The following ZNF800 variants were observed in gnomAD, a reference collection of about 807,000 sequenced individuals.
ZNF800 encodes zinc finger protein 800.
In ZNF800, 13 loss-of-function variants were observed where a neutral mutation model predicts 59.5. That is an observed-to-expected ratio of 0.22 (90% CI 0.14 to 0.35). ZNF800 has a LOEUF of 0.35. ZNF800 is among the 10% of genes least tolerant of loss of function. ZNF800 has a pLI of 1.00. For synonymous variants in ZNF800, 266 were observed against 265.7 expected (o/e 1.00, Z -0.01); for missense variants, 621 against 783.7 (o/e 0.79, Z 2.48).
At chr7:127,358,280 C>A (rs1234735711) in intron 1 of ZNF800, among the ~76,000 whole-genome samples, 2 of 151,914 alleles carry the variant, frequency 1.3e-5, no homozygotes, top group Non-Finnish European at 2.9e-5. Flanking sequence ...ATACTAGATT[C>A]TTTCTTCGTC....
chr7:127,363,615 G>A (rs1467424361), intron 1 of ZNF800: 1 of 151,442 alleles, frequency 6.6e-6, no homozygotes, highest in East Asian at 1.9e-4. Flanking sequence ...GACACAGAAG[G>A]GAGACACCCA....
In ZNF800 at chr7:127,374,775, C is replaced by A. The variant is rs766103575; in HGVS notation, c.561G>T (p.Glu187Asp). The A allele has an allele frequency of 1.2e-6, 2 of 1,613,656 alleles. No individual in the cohort carries two copies. The highest frequency in any genetic ancestry group is 4.5e-5 in the East Asian group (2 of 44,866). ...QSKTVPVTDTEVETVEPPPVE... is the reference protein window; with the variant it reads ...QSKTVPVTDTDVETVEPPPVE... Reference sequence around the variant, plus strand: ...CAGGAGGGGGCTCTACAGTTTCCACCTCTGTATCTGTAACCGGTACTGTTT... The same window carrying A: ...CAGGAGGGGGCTCTACAGTTTCCACATCTGTATCTGTAACCGGTACTGTTT... Residue 187 changes from glutamate (E) to aspartate (D), a missense_variant, in exon 5 of 6, where the codon GAG becomes GAT. Transcript: ENST00000265827.
intron 4 of ZNF800, among the ~76,000 whole-genome samples, chr7:127,375,543 G>C (rs183250048): frequency 6.6e-6 from 1 of 152,148 alleles, no homozygotes; most frequent in Admixed American, 6.5e-5. Context: ...GAAAATGAAA[G>C]ATTTGTAAGC....
intron 3 of ZNF800, among the ~76,000 whole-genome samples, chr7:127,379,675 G>C (rs1355018442): frequency 3.9e-5 from 6 of 151,996 alleles, no homozygotes; most frequent in African/African-American, 1.5e-4. Context: ...GAAAAATAAA[G>C]ACACTATCAA....
chr7:127,367,312 T>G (rs1800530988), downstream of ZNF800, among the ~76,000 whole-genome samples: 1 of 152,052 alleles, frequency 6.6e-6, no homozygotes, highest in Non-Finnish European at 1.5e-5. Context: ...TGCTTGCAAC[T>G]CAAAAAAAGA....
intron 2 of ZNF800, among the ~76,000 whole-genome samples, chr7:127,391,176 C>T (rs534904092): frequency 6.2e-4 from 95 of 152,216 alleles, no homozygotes; most frequent in African/African-American, 2.2e-3. Flanking sequence ...CTATGTTTTC[C>T]TTTCTCTTCA....
At chr7:127,385,235 T>A (rs1801101890) in intron 3 of ZNF800, among the ~76,000 whole-genome samples, 1 of 152,216 alleles carries the variant, frequency 6.6e-6, no homozygotes, top group Non-Finnish European at 1.5e-5. Context: ...AATGACAAGG[T>A]ATTCTAATCC....
chr7:127,350,861 GC>G (rs1364300547), intron 1 of ZNF800, among the ~76,000 whole-genome samples: 4 of 152,150 alleles, frequency 2.6e-5, no homozygotes, highest in Admixed American at 2.6e-4. Flanking sequence ...TGCACCAGCT[GC>G]CCCCAGAGTG....
intron 1 of ZNF800, among the ~76,000 whole-genome samples, chr7:127,348,404 G>T (rs1355680967): frequency 1.9e-5 from 1 of 53,652 alleles, no homozygotes; most frequent in African/African-American, 7.7e-5. Flanking sequence ...ATCTATAATA[G>T]AAAAAAAAAA....
At position 127,392,298 on chromosome 7, in the gene ZNF800, C is replaced by T; in HGVS notation, c.-297G>A. 1 of 389,090 alleles carries T rather than the reference C, an allele frequency of 2.6e-6. No homozygotes were observed. The highest frequency in any genetic ancestry group is 4.5e-6 in the Non-Finnish European group (1 of 219,894). The allele number at this position is 389,090 out of a possible 1,614,324, so 24.1% of individuals were successfully genotyped here. A position where few individuals can be genotyped will look rare whatever the true frequency, so the allele number is the denominator to read the frequency against. Reference sequence around the variant, plus strand: ...GGCCGAGACGACTGCGGCGGCGGCTCACGGCGTCCTCCGCGCTGTGTGGCT... The same window carrying T: ...GGCCGAGACGACTGCGGCGGCGGCTTACGGCGTCCTCCGCGCTGTGTGGCT... On this transcript the variant is annotated 5_prime_UTR_variant, in exon 1 of 6. Transcript: ENST00000265827.
chr7:127,349,323 C>T (rs563286263), intron 1 of ZNF800, among the ~76,000 whole-genome samples: 5 of 152,048 alleles, frequency 3.3e-5, no homozygotes, highest in African/African-American at 1.2e-4. Context: ...TAAGTTAATA[C>T]CTAGGGAGTC....
chr7:127,358,805 T>C (rs928493489), intron 1 of ZNF800, among the ~76,000 whole-genome samples: 1 of 152,132 alleles, frequency 6.6e-6, no homozygotes, highest in African/African-American at 2.4e-5. Flanking sequence ...TGTACCTGAC[T>C]CAGTGCCTCG....
chr7:127,372,071 T>C (rs575392707), intron 5 of ZNF800, among the ~76,000 whole-genome samples: 1 of 152,308 alleles, frequency 6.6e-6, no homozygotes, highest in Admixed American at 6.5e-5. Context: ...GGGACACAGG[T>C]ATAGAAGGTG....
chr7:127,386,571 A>G (rs1801143768), intron 2 of ZNF800, among the ~76,000 whole-genome samples: 1 of 152,248 alleles, frequency 6.6e-6, no homozygotes, highest in Admixed American at 6.5e-5. Context: ...AATCCTCTGG[A>G]TAATCTGGTA....
downstream of ZNF800, among the ~76,000 whole-genome samples, chr7:127,366,409 G>A (rs186971492): frequency 1.2e-4 from 18 of 152,222 alleles, no homozygotes; most frequent in Non-Finnish European, 2.1e-4. Flanking sequence ...CAACTGATGC[G>A]GTGGCCTAAT....
chr7:127,358,446 C>T (rs1800317851), intron 1 of ZNF800, among the ~76,000 whole-genome samples: 1 of 152,018 alleles, frequency 6.6e-6, no homozygotes. Context: ...CCCACATCCC[C>T]ACCTCCACTC....
intron 3 of ZNF800, among the ~76,000 whole-genome samples, chr7:127,378,309 C>T (rs540573675): frequency 2.0e-5 from 3 of 152,132 alleles, no homozygotes; most frequent in Non-Finnish European, 4.4e-5. Context: ...AAAATACAAA[C>T]GGAAGGTCTT....
At chr7:127,368,167 T>C (rs917973922), downstream of ZNF800, among the ~76,000 whole-genome samples, 2 of 152,064 alleles carry the variant, frequency 1.3e-5, no homozygotes, top group African/African-American at 4.8e-5. Flanking sequence ...CTCAGAGGAA[T>C]AGGGTATAGA....
At chr7:127,385,161 T>TA (rs1296060224) in intron 3 of ZNF800, among the ~76,000 whole-genome samples, 1 of 152,236 alleles carries the variant, frequency 6.6e-6, no homozygotes, top group Non-Finnish European at 1.5e-5. Flanking sequence ...AACAAGTAGT[T>TA]ACATATGAAT....
Sources: gnomAD v4.1 joint callset for allele counts (sites outside exome capture counted in the v4.1 genomes callset) on GRCh38, gnomAD v4.1.1 for gene constraint, MANE v1.5 for transcripts, NCBI Gene and HGNC (gene_info 2026-07-23, HGNC 2026-07-21) for gene names.